Variants in PTPRD observed in about 807,000 individuals in gnomAD.
PTPRD encodes the protein protein tyrosine phosphatase receptor type D.
Under a neutral mutation model 214.5 loss-of-function variants are expected in PTPRD, and 34 were observed. The observed-to-expected ratio is 0.16, with a 90% CI of 0.12 to 0.21. The LOEUF (loss-of-function observed/expected upper bound fraction) is 0.21, where lower values mean the gene tolerates loss of function less well. PTPRD is among the 10% of genes least tolerant of loss of function. The pLI, the probability that PTPRD is intolerant of heterozygous loss-of-function variation, is 1.00. For missense variants in PTPRD, 2,545 were observed against 2,398.7 expected, an observed-to-expected ratio of 1.06 and a Z score of -1.27; for synonymous variants, 1,128 against 845.7, an observed-to-expected ratio of 1.33 and a Z score of -5.79.
At chr9:9,433,565 G>A (rs985407382) in intron 8 of PTPRD, among the ~76,000 whole-genome samples, 4 of 152,014 alleles carry the variant, frequency 2.6e-5, no homozygotes, top group South Asian at 2.1e-4. Flanking sequence ...TTTATTATGA[G>A]GAAAATTTTT....
chr9:9,638,727 T>C (rs1410202505), intron 7 of PTPRD, among the ~76,000 whole-genome samples: 1 of 152,194 alleles, frequency 6.6e-6, no homozygotes, highest in Non-Finnish European at 1.5e-5. Context: ...TCAACTTCTG[T>C]CTTAGTGTGT....
At chr9:9,384,902 TCAAA>T (rs752716096) in intron 9 of PTPRD, among the ~76,000 whole-genome samples, 2 of 152,140 alleles carry the variant, frequency 1.3e-5, no homozygotes, top group Non-Finnish European at 1.5e-5. Flanking sequence ...TCTGAAACTC[TCAAA>T]CACTTTAAAA....
chr9:9,896,510 G>C (rs551128541), intron 5 of PTPRD, among the ~76,000 whole-genome samples: 3 of 152,050 alleles, frequency 2.0e-5, no homozygotes, highest in African/African-American at 4.8e-5. Context: ...AGTGCATTTG[G>C]ATAGCTAAAC....
chr9:9,899,810 C>G (rs1257726066), intron 5 of PTPRD, among the ~76,000 whole-genome samples: 1 of 151,858 alleles, frequency 6.6e-6, no homozygotes, highest in Non-Finnish European at 1.5e-5. Flanking sequence ...AAGTGTCCAT[C>G]AAGAAACAGA....
At chr9:8,883,371 T>A (rs1041742784) in intron 11 of PTPRD, among the ~76,000 whole-genome samples, 2 of 152,224 alleles carry the variant, frequency 1.3e-5, no homozygotes, top group African/African-American at 4.8e-5. Context: ...AAAATCCTTC[T>A]CAGCACAAAT....
At chr9:9,358,496 T>C (rs117581335) in intron 9 of PTPRD, among the ~76,000 whole-genome samples, 1 of 151,378 alleles carries the variant, frequency 6.6e-6, no homozygotes, top group Non-Finnish European at 1.5e-5. Flanking sequence ...AAGCTGATTT[T>C]AAATAATAAA....
At chr9:8,855,566 T>C (rs1243513282) in intron 11 of PTPRD, among the ~76,000 whole-genome samples, 2 of 152,194 alleles carry the variant, frequency 1.3e-5, no homozygotes, top group South Asian at 2.1e-4. Context: ...ACAGTGTTCC[T>C]ATTTGAATCT....
intron 8 of PTPRD, among the ~76,000 whole-genome samples, chr9:9,399,433 A>C (rs1457293755): frequency 6.6e-6 from 1 of 152,016 alleles, no homozygotes; most frequent in East Asian, 1.9e-4. Flanking sequence ...TTGTGATTTA[A>C]AGACACCCCT....
At chr9:8,559,244 G>T (rs529152606) in intron 14 of PTPRD, among the ~76,000 whole-genome samples, 4 of 152,098 alleles carry the variant, frequency 2.6e-5, no homozygotes, top group Non-Finnish European at 5.9e-5. Flanking sequence ...TTTCAAAAGC[G>T]CTAGAGGAAA....
chr9:8,470,945 CA>C, intron 31 of PTPRD, 49 bp downstream of exon 31: 1 of 1,521,084 alleles, frequency 6.6e-7, no homozygotes, highest in South Asian at 1.1e-5. Context: ...GGCGGAAATG[CA>C]GCAGATTAAA....
intron 3 of PTPRD, among the ~76,000 whole-genome samples, chr9:10,255,571 A>G (rs1022567704): frequency 1.3e-5 from 2 of 152,204 alleles, no homozygotes; most frequent in African/African-American, 4.8e-5. Context: ...TTACACTACT[A>G]TAGATTTTAT....
rs565947433 is a variant in PTPRD, at chr9:10,308,070, T to C, written c.-545+32893A>G. On this transcript the variant is annotated intron_variant, in intron 3 of 45. Coordinates refer to ENST00000381196, the MANE Select transcript of PTPRD (RefSeq NM_002839.4). ...TTGCTGTGCAGAGTTTTTAGTTTAATATAGTTTTATTTGTCTATTTTTGTT... is the reference window on the plus strand; with the variant it reads ...TTGCTGTGCAGAGTTTTTAGTTTAACATAGTTTTATTTGTCTATTTTTGTT... Among the ~76,000 whole-genome samples the C allele has an allele frequency of 2.0e-5, 3 of 152,088 alleles. No individual in the cohort carries two copies. In the South Asian group the frequency reaches 6.2e-4, roughly 32 times the overall value.
At chr9:9,607,005 A>AAAAAAAAAG (rs1187365479) in intron 7 of PTPRD, among the ~76,000 whole-genome samples, 1 of 119,604 alleles carries the variant, frequency 8.4e-6, no homozygotes, top group Non-Finnish European at 1.7e-5. Flanking sequence ...AAAAAAAAAA[A>AAAAAAAAAG]GTGTTTCTGC....
At chr9:9,786,424 T>C (rs898219098) in intron 5 of PTPRD, among the ~76,000 whole-genome samples, 1 of 152,224 alleles carries the variant, frequency 6.6e-6, no homozygotes, top group African/African-American at 2.4e-5. Flanking sequence ...TTGTATATAA[T>C]GGTATGAGGT....
chr9:10,360,449 A>G (rs1011599438), intron 2 of PTPRD, among the ~76,000 whole-genome samples: 27 of 152,374 alleles, frequency 1.8e-4, no homozygotes, highest in African/African-American at 6.3e-4. Context: ...TTTAATCCAC[A>G]TAACATGTCA....
rs55844142 is a variant in PTPRD at position 8,336,813 on chromosome 9, G to A, written c.5379+2109C>T. 1.5e-4 allele frequency among the ~76,000 whole-genome samples: 23 copies of A among 152,116 alleles called. No individual in the cohort carries two copies. In the East Asian group the frequency reaches 1.7e-3, roughly 12 times the overall value. ...AAAGGATATGAACAGACACTTCTCA[G>A]AAGAAGACACCGATGCGGCAGACAA... On this transcript the variant is annotated intron_variant, in intron 43 of 45. Transcript: ENST00000381196.
intron 5 of PTPRD, among the ~76,000 whole-genome samples, chr9:9,923,140 GTGTGTGTGTA>G (rs2083120898): frequency 6.6e-6 from 1 of 151,268 alleles, no homozygotes; most frequent in Admixed American, 6.6e-5. Flanking sequence ...GTGTGTGTGT[GTGTGTGTGTA>G]TGTACAGAAA....
At chr9:10,485,823 T>C (rs1180297762) in intron 2 of PTPRD, among the ~76,000 whole-genome samples, 1 of 152,118 alleles carries the variant, frequency 6.6e-6, no homozygotes, top group Non-Finnish European at 1.5e-5. Context: ...ATTTCACTTC[T>C]TGTTCCTGCA....
intron 3 of PTPRD, among the ~76,000 whole-genome samples, chr9:10,272,570 T>TA (rs544414568): frequency 9.8e-4 from 149 of 152,314 alleles, no homozygotes; most frequent in African/African-American, 3.2e-3. Flanking sequence ...TAATAGCTGA[T>TA]AAAAAACCTA....
Sources: allele counts gnomAD v4.1 joint callset (sites outside exome capture counted in the v4.1 genomes callset), GRCh38; gene constraint gnomAD v4.1.1; transcripts MANE v1.5; gene names NCBI Gene and HGNC (gene_info 2026-07-23, HGNC 2026-07-21).